Variants in MDGA2 observed in about 807,000 individuals in gnomAD.
MDGA2 encodes MAM domain-containing glycosylphosphatidylinositol anchor protein 2.
Under a neutral mutation model 117.8 loss-of-function variants are expected in MDGA2, and 40 were observed. The observed-to-expected ratio is 0.34, with a 90% CI of 0.26 to 0.44. The LOEUF (loss-of-function observed/expected upper bound fraction) is 0.44. Among genes scored for constraint, MDGA2 ranks in the 20% least tolerant of loss-of-function variants. The pLI is 1.00. For missense variants in MDGA2, 1,123 were observed against 1,250.6 expected, an observed-to-expected ratio of 0.90 and a Z score of 1.54; for synonymous variants, 452 against 439.0, an observed-to-expected ratio of 1.03 and a Z score of -0.37.
At chr14:47,463,816 T>C (rs1387531955) in intron 1 of MDGA2, among the ~76,000 whole-genome samples, 1 of 152,126 alleles carries the variant, frequency 6.6e-6, no homozygotes, top group African/African-American at 2.4e-5. Flanking sequence ...TTTGTTATTG[T>C]TTTGATTGCT....
intron 1 of MDGA2, among the ~76,000 whole-genome samples, chr14:47,648,970 AC>A (rs1271306181): frequency 6.6e-6 from 1 of 152,164 alleles, no homozygotes; most frequent in African/African-American, 2.4e-5. Context: ...TCACATTAAC[AC>A]TTAAAAATGA....
intron 1 of MDGA2, among the ~76,000 whole-genome samples, chr14:47,564,374 A>C (rs1405998184): frequency 2.0e-5 from 3 of 152,188 alleles, no homozygotes; most frequent in Non-Finnish European, 4.4e-5. Flanking sequence ...TAATCTACTT[A>C]TGGTTCCACG....
intron 6 of MDGA2, among the ~76,000 whole-genome samples, chr14:47,087,301 G>A (rs1251571811): frequency 6.6e-6 from 1 of 151,590 alleles, no homozygotes; most frequent in African/African-American, 2.4e-5. Flanking sequence ...GATCACCTGA[G>A]ATCAGGTGTT....
At position 47,144,618 on chromosome 14, in the gene MDGA2, A is replaced by C. The variant is rs180734371; in HGVS notation, c.596-344T>G. Reference sequence around the variant, plus strand: ...ACAATGAACCTCAGTGACAAAAAAAAAATTAATATCAGGCTGCTTGACTTA... The same window carrying C: ...ACAATGAACCTCAGTGACAAAAAAACAATTAATATCAGGCTGCTTGACTTA... On this transcript the variant is annotated intron_variant, in intron 3 of 16. Coordinates refer to ENST00000399232, the MANE Select transcript of MDGA2 (RefSeq NM_001113498.3). 3.2e-3 allele frequency among the ~76,000 whole-genome samples: 492 copies of C among 152,162 alleles called. 3 individuals carry two copies. The highest frequency in any genetic ancestry group is 6.8e-3 in the Middle Eastern group (2 of 294).
chr14:47,514,654 A>G lies in MDGA2; in HGVS notation c.280+159863T>C, dbSNP rs372267038. Among the ~76,000 whole-genome samples, 18 of 152,308 alleles carry G rather than the reference A, an allele frequency of 1.2e-4. No individual in the cohort carries two copies. The East Asian group carries it at 2.5e-3, about 21-fold the overall frequency. On this transcript the variant is annotated intron_variant, in intron 1 of 16. Transcript: ENST00000399232. ...GGGGTCTTATTTTATACACATATAAAGTAAATTGTCCTTTATACTTGAAAG... is the reference window on the plus strand; with the variant it reads ...GGGGTCTTATTTTATACACATATAAGGTAAATTGTCCTTTATACTTGAAAG...
intron 1 of MDGA2, among the ~76,000 whole-genome samples, chr14:47,453,322 C>A (rs1445895587): frequency 6.6e-6 from 1 of 151,990 alleles, no homozygotes; most frequent in Non-Finnish European, 1.5e-5. Context: ...ATTTTCCTTA[C>A]AAAGGGGTGC....
At chr14:46,932,700 C>T (rs1169705582) in intron 9 of MDGA2, among the ~76,000 whole-genome samples, 4 of 152,004 alleles carry the variant, frequency 2.6e-5, no homozygotes, top group Non-Finnish European at 5.9e-5. Context: ...AAGAATCCTG[C>T]CATTGGTTAT....
At chr14:46,907,600 T>C (rs1883547472) in intron 10 of MDGA2, among the ~76,000 whole-genome samples, 1 of 152,166 alleles carries the variant, frequency 6.6e-6, no homozygotes, top group Admixed American at 6.5e-5. Flanking sequence ...GGCTTTTATT[T>C]TCCTATTGCA....
At chr14:47,389,626 A>ACC (rs1891847232) in intron 1 of MDGA2, among the ~76,000 whole-genome samples, 1 of 150,500 alleles carries the variant, frequency 6.6e-6, no homozygotes, top group Non-Finnish European at 1.5e-5. Flanking sequence ...ACACACACAC[A>ACC]CACACACACA....
At chr14:47,421,200 C>T (rs142399497) in intron 1 of MDGA2, among the ~76,000 whole-genome samples, 10 of 152,184 alleles carry the variant, frequency 6.6e-5, no homozygotes, top group East Asian at 5.8e-4. Flanking sequence ...TCTCTACTTA[C>T]GTCTACCTGA....
At chr14:47,328,842 C>T (rs1334065364) in intron 1 of MDGA2, among the ~76,000 whole-genome samples, 4 of 151,956 alleles carry the variant, frequency 2.6e-5, no homozygotes, top group Admixed American at 1.3e-4. Flanking sequence ...CCCAATAAGC[C>T]AATTAAGATT....
intron 1 of MDGA2, among the ~76,000 whole-genome samples, chr14:47,361,205 C>CTATATATA (rs1244944759): frequency 6.9e-4 from 86 of 124,708 alleles, no homozygotes; most frequent in African/African-American, 2.1e-3. Context: ...CTCTCTCTCT[C>CTATATATA]TCTATATATA....
At chr14:47,106,890 A>G (rs78278376) in intron 5 of MDGA2, among the ~76,000 whole-genome samples, 2,007 of 135,978 alleles carry the variant, frequency 0.015, 78 homozygotes, top group South Asian at 0.056. Context: ...AACTTAGACA[A>G]TACTCTTTTA....
At chr14:47,274,925 T>C (rs1888262171) in intron 2 of MDGA2, among the ~76,000 whole-genome samples, 1 of 152,162 alleles carries the variant, frequency 6.6e-6, no homozygotes, top group Non-Finnish European at 1.5e-5. Flanking sequence ...TTTTCTACTA[T>C]TGAGTTGTAA....
chr14:47,012,308 C>A (rs1887922153), intron 8 of MDGA2, among the ~76,000 whole-genome samples: 1 of 152,126 alleles, frequency 6.6e-6, no homozygotes, highest in Admixed American at 6.6e-5. Context: ...TCAGTTCAAA[C>A]ATACACTTCA....
intron 1 of MDGA2, among the ~76,000 whole-genome samples, chr14:47,422,773 A>G (rs188179613): frequency 4.6e-5 from 7 of 152,272 alleles, no homozygotes; most frequent in Admixed American, 3.3e-4. Context: ...TTCAAATGCC[A>G]TCAACATGAA....
At chr14:47,317,950 T>C (rs1358313779) in intron 1 of MDGA2, among the ~76,000 whole-genome samples, 1 of 152,044 alleles carries the variant, frequency 6.6e-6, no homozygotes, top group Non-Finnish European at 1.5e-5. Flanking sequence ...TCAAAAAAGG[T>C]GTCTTTTTTC....
chr14:46,915,444 A>T (rs1883861746), intron 10 of MDGA2, among the ~76,000 whole-genome samples: 1 of 152,204 alleles, frequency 6.6e-6, no homozygotes, highest in African/African-American at 2.4e-5. Context: ...AACATGTATA[A>T]ATATAGTGTA....
At chr14:46,846,019 A>T in intron 15 of MDGA2, 148 bp from the exon 16 acceptor site, 1 of 638,442 alleles carries the variant, frequency 1.6e-6, no homozygotes, top group Non-Finnish European at 2.8e-6. Context: ...CTTGCAGAAA[A>T]CATAAACTTT....
Sources: allele counts gnomAD v4.1 joint callset (sites outside exome capture counted in the v4.1 genomes callset), GRCh38; gene constraint gnomAD v4.1.1; transcripts MANE v1.5; gene names NCBI Gene and HGNC (gene_info 2026-07-23, HGNC 2026-07-21).